NRG4: variants seen among roughly 807,000 people sequenced by gnomAD.
The protein encoded by NRG4 is pro-neuregulin-4, membrane-bound isoform.
NRG4 carries 10 observed loss-of-function variants against 15.0 expected under a neutral mutation model. The observed-to-expected ratio is 0.67, with a 90% CI of 0.41 to 1.13. The LOEUF (loss-of-function observed/expected upper bound fraction) is 1.13. Among genes scored for constraint, NRG4 ranks in the 50% most tolerant of loss-of-function variants. NRG4 has a pLI of 0.00. For missense variants in NRG4, 139 were observed against 140.2 expected, an observed-to-expected ratio of 0.99 and a Z score of 0.04; for synonymous variants, 41 against 50.1, an observed-to-expected ratio of 0.82 and a Z score of 0.77.
rs565872740 is a variant in NRG4 at position 76,050,449 on chromosome 15, T to G, written c.-105+1618A>C. On this transcript the variant is annotated intron_variant, in intron 4 of 8. Transcript: ENST00000563910. ...ACCCCGAGCCTTCGTTTTTTTTTTT[T>G]TTTTTTTTTTGAAACGGAGTCTCAC... Among the ~76,000 whole-genome samples, 253 of 144,466 alleles carry G rather than the reference T, an allele frequency of 1.8e-3. 8 individuals are homozygous for G. Among genetic ancestry groups the G allele is most frequent in the Non-Finnish European group, 3.0e-3 (195 of 65,978 alleles). 94.8% of individuals were successfully genotyped at this position (144,466 alleles called of 152,430 possible). A position where few individuals can be genotyped will look rare whatever the true frequency, so the allele number is the denominator to read the frequency against.
intron 5 of NRG4, among the ~76,000 whole-genome samples, chr15:76,020,234 T>C (rs2035111985): frequency 6.6e-6 from 1 of 152,170 alleles, no homozygotes; most frequent in South Asian, 2.1e-4. Flanking sequence ...AATATTGAAA[T>C]TAGCCCAATT....
chr15:75,981,099 T>A (rs2141851596), intron 3 of NRG4, among the ~76,000 whole-genome samples: 1 of 152,336 alleles, frequency 6.6e-6, no homozygotes, highest in African/African-American at 2.4e-5. Flanking sequence ...GGGGTCTATT[T>A]CCCCTCCCTT....
At chr15:76,018,805 G>T (rs1462073264) in intron 5 of NRG4, among the ~76,000 whole-genome samples, 1 of 152,162 alleles carries the variant, frequency 6.6e-6, no homozygotes, top group Non-Finnish European at 1.5e-5. Flanking sequence ...AGACACAGGG[G>T]TTAGGGACTC....
chr15:75,946,606 G>A (rs1396616019), intron 5 of NRG4, among the ~76,000 whole-genome samples: 2 of 152,126 alleles, frequency 1.3e-5, no homozygotes, highest in African/African-American at 4.8e-5. Context: ...TGATCCGCCT[G>A]CCTCAGCCTC....
At chr15:76,055,452 T>C (rs957082284) in intron 2 of NRG4, among the ~76,000 whole-genome samples, 1 of 152,224 alleles carries the variant, frequency 6.6e-6, no homozygotes, top group African/African-American at 2.4e-5. Context: ...TGTGCTACCA[T>C]TGTTTACAAA....
At chr15:75,957,272 A>G (rs1361320977) in intron 4 of NRG4, among the ~76,000 whole-genome samples, 1 of 152,172 alleles carries the variant, frequency 6.6e-6, no homozygotes, top group Non-Finnish European at 1.5e-5. Flanking sequence ...TTTACCTGAC[A>G]TATATCCTTC....
chr15:76,024,260 C>T (rs2035242536), intron 5 of NRG4, among the ~76,000 whole-genome samples: 1 of 152,214 alleles, frequency 6.6e-6, no homozygotes, highest in African/African-American at 2.4e-5. Flanking sequence ...GCCCTGGGGG[C>T]TGCACCTGGC....
At chr15:75,938,533 TAAAGA>T (rs551270195), downstream of NRG4, 3 of 151,924 alleles carry the variant, frequency 2.0e-5, no homozygotes, top group East Asian at 1.9e-4. Context: ...AACAAAGAAT[TAAAGA>T]AATCAGGAAA....
intron 3 of NRG4, among the ~76,000 whole-genome samples, chr15:75,963,683 C>G (rs916650138): frequency 3.4e-5 from 5 of 148,988 alleles, no homozygotes; most frequent in African/African-American, 7.4e-5. Context: ...GAGGCTGAGG[C>G]AAGAGAATTG....
rs192387952 is a variant in NRG4 at position 75,994,326 on chromosome 15, C to G, written c.104+14874G>C. ...AGCACATAAAGAACTCAGGCTCCCC[C>G]TCTGTGGCCCTCTTCAGGACATTCA... is the stretch of plus-strand genomic sequence containing the variant. On this transcript the variant is annotated intron_variant, in intron 3 of 5. Transcript: ENST00000394907. 1.7e-3 allele frequency among the ~76,000 whole-genome samples: 265 copies of G among 152,262 alleles called. 5 individuals carry two copies. The highest frequency in any genetic ancestry group is 5.8e-3 in the African/African-American group (240 of 41,544).
chr15:76,025,494 A>G (rs2035288511), intron 5 of NRG4, among the ~76,000 whole-genome samples: 1 of 152,166 alleles, frequency 6.6e-6, no homozygotes, highest in African/African-American at 2.4e-5. Context: ...TTGACTATTT[A>G]GATAAGAAAT....
chr15:76,055,089 G>A (rs2036121996), intron 2 of NRG4, among the ~76,000 whole-genome samples: 1 of 152,156 alleles, frequency 6.6e-6, no homozygotes, highest in Non-Finnish European at 1.5e-5. Flanking sequence ...AGACCAGCCT[G>A]GCCAACATGG....
intron 3 of NRG4, chr15:75,969,035 A>G (rs2032968580): frequency 3.3e-6 from 1 of 305,544 alleles, no homozygotes; most frequent in South Asian, 3.1e-5. Flanking sequence ...AAGACCATAA[A>G]CCAGGAACAG....
downstream of NRG4, chr15:75,937,041 T>C (rs755139597): frequency 2.0e-5 from 3 of 152,116 alleles, no homozygotes; most frequent in Non-Finnish European, 4.4e-5. Flanking sequence ...TTTGAGACCA[T>C]TGACATTTTT....
Position 75,955,795 on chromosome 15 carries a change from A to C in NRG4, c.331+137T>G. 8.2e-6 allele frequency: 3 copies of C among 367,622 alleles called. No individual in the cohort carries two copies. The South Asian group carries it at 1.5e-4, about 18-fold the overall frequency. The allele number at this position is 367,622 out of a possible 1,614,324, so 22.8% of individuals were successfully genotyped here. A position where few individuals can be genotyped will look rare whatever the true frequency, so the allele number is the denominator to read the frequency against. On this transcript the variant is annotated intron_variant, in intron 5 of 5. Coordinates refer to ENST00000394907, the MANE Select transcript of NRG4 (RefSeq NM_138573.4). ...TATGTGAAAAAGGGTACCTGGCCAA[A>C]AAAAAAAAAAAAAACCCATAGAAAA...
intron 5 of NRG4, among the ~76,000 whole-genome samples, chr15:76,033,881 C>T (rs1172008959): frequency 1.3e-5 from 2 of 152,146 alleles, no homozygotes; most frequent in Non-Finnish European, 2.9e-5. Flanking sequence ...ATTACATGGC[C>T]ACTGTAGCAA....
At chr15:75,990,076 A>C (rs767647215) in intron 3 of NRG4, among the ~76,000 whole-genome samples, 3 of 152,168 alleles carry the variant, frequency 2.0e-5, no homozygotes, top group Non-Finnish European at 2.9e-5. Flanking sequence ...AGCTAGTCAG[A>C]ATGTAAACAC....
chr15:76,038,504 A>T (rs1334931475), intron 4 of NRG4, among the ~76,000 whole-genome samples: 1 of 152,310 alleles, frequency 6.6e-6, no homozygotes, highest in East Asian at 1.9e-4. Context: ...GGTGGTAGTG[A>T]CCATAAGGTG....
At chr15:75,982,786 TAGG>T (rs2033654708) in intron 3 of NRG4, among the ~76,000 whole-genome samples, 1 of 151,956 alleles carries the variant, frequency 6.6e-6, no homozygotes, top group African/African-American at 2.4e-5. Context: ...GCTGAAAGAG[TAGG>T]AGAATTCTGG....
Sources: allele counts gnomAD v4.1 joint callset (sites outside exome capture counted in the v4.1 genomes callset), GRCh38; gene constraint gnomAD v4.1.1; transcripts MANE v1.5; gene names NCBI Gene and HGNC (gene_info 2026-07-23, HGNC 2026-07-21).